Variants in DNM2 observed in about 807,000 individuals in gnomAD.
DNM2 encodes the protein dynamin-2.
Under a neutral mutation model 99.0 loss-of-function variants are expected in DNM2, and 15 were observed. That is an observed-to-expected ratio of 0.15 (90% CI 0.10 to 0.23). DNM2 has a LOEUF of 0.23. Among genes scored for constraint, DNM2 ranks in the 10% least tolerant of loss-of-function variants. The pLI is 1.00. For synonymous variants in DNM2, 525 were observed against 481.2 expected (o/e 1.09, Z -1.19); for missense variants, 742 against 1,189.4 (o/e 0.62, Z 5.53).
In DNM2 at chr19:10,817,816, T is replaced by TGC. The variant is rs58592246; in HGVS notation, c.1672-2153_1672-2152dup. The stretch of plus-strand genomic sequence containing the variant: ...GCACACACACGTGTGTGTGTGTGTG[T>TGC]GCGCGCGCGCGCACGCGTGCGTGCC... On this transcript the variant is annotated intron_variant, in intron 15 of 20. Transcript: ENST00000389253. The surrounding 1 kb of genome is among the most constrained non-coding windows in gnomAD (Gnocchi z 4.6). Among the ~76,000 whole-genome samples, 167 of 138,038 alleles carry TGC rather than the reference T, an allele frequency of 1.2e-3. No individual in the cohort carries two copies. Among genetic ancestry groups the TGC allele is most frequent in the African/African-American group, 3.7e-3 (137 of 36,918 alleles). 90.6% of individuals were successfully genotyped at this position (138,038 alleles called of 152,430 possible).
chr19:10,747,079 T>C (rs896596096), intron 1 of DNM2, among the ~76,000 whole-genome samples: 20 of 151,468 alleles, frequency 1.3e-4, no homozygotes, highest in African/African-American at 4.9e-5. Context: ...GGTCTCATCA[T>C]GTTGCCCAGG....
intron 16 of DNM2, among the ~76,000 whole-genome samples, chr19:10,821,540 C>CTT (rs3837949): frequency 0.063 from 9,503 of 151,088 alleles, 635 homozygotes; most frequent in East Asian, 0.36. Flanking sequence ...GAAATCCTGA[C>CTT]TTTTTTTTTA....
At position 10,812,228 on chromosome 19, in the gene DNM2, G is replaced by A; in HGVS notation, c.1558-36G>A. On this transcript the variant is annotated intron_variant, in intron 14 of 20. Transcript: ENST00000389253. The surrounding 1 kb of genome is among the most constrained non-coding windows in gnomAD (Gnocchi z 4.0). Reference sequence around the variant, plus strand: ...CGCTGGGGGATGGCTGGGGCACGGAGCGAGGTTCCCTGCTAAGCTGCGCGC... The same window carrying A: ...CGCTGGGGGATGGCTGGGGCACGGAACGAGGTTCCCTGCTAAGCTGCGCGC... 6.5e-7 allele frequency: 1 copy of A among 1,539,076 alleles called. No individual in the cohort carries two copies. The highest frequency in any genetic ancestry group is 1.4e-5 in the African/African-American group (1 of 73,052).
Position 10,818,302 on chromosome 19 carries a change from T to C in DNM2, c.1672-1678T>C, listed in dbSNP as rs1339817301. 6.6e-6 allele frequency among the ~76,000 whole-genome samples: 1 copy of C among 152,318 alleles called. No homozygotes were observed. The highest frequency in any genetic ancestry group is 2.1e-4 in the South Asian group (1 of 4,824). On this transcript the variant is annotated intron_variant, in intron 15 of 20. Transcript: ENST00000389253. The surrounding 1 kb of genome is among the most constrained non-coding windows in gnomAD (Gnocchi z 4.3). The stretch of plus-strand genomic sequence containing the variant: ...CCACCGGGCCCCTCTTCCTATGCTC[T>C]GCCCTACTTCTTTGCCTAGAGCCTG...
Position 10,738,942 on chromosome 19 carries a change from G to T in DNM2, c.161+20539G>T, listed in dbSNP as rs367689278. ...CCAGCACTTTGGGAGGCCGAGGTGGGCGGATCACGAGGTCAGGAGATTGAG... is the reference window on the plus strand; with the variant it reads ...CCAGCACTTTGGGAGGCCGAGGTGGTCGGATCACGAGGTCAGGAGATTGAG... On this transcript the variant is annotated intron_variant, in intron 1 of 20. Transcript: ENST00000389253. Among the ~76,000 whole-genome samples, 20 of 151,938 alleles carry T rather than the reference G, an allele frequency of 1.3e-4. 1 individual carries two copies. The East Asian group carries it at 3.1e-3, about 24-fold the overall frequency.
Position 10,830,923 on chromosome 19 carries a change from G to A in DNM2, c.2544-55G>A. On this transcript the variant is annotated intron_variant, in intron 20 of 20. Transcript: ENST00000389253. The surrounding 1 kb of genome is among the most constrained non-coding windows in gnomAD (Gnocchi z 4.8). ...GGTCCTCAACCCAGGCCTGCCTCTT[G>A]CTCCCGGCCTCACTGCCGTCTCCCC... 6.4e-7 allele frequency: 1 copy of A among 1,567,588 alleles called. No individual in the cohort carries two copies. Among genetic ancestry groups the A allele is most frequent in the African/African-American group, 1.4e-5 (1 of 73,586 alleles).
intron 1 of DNM2, among the ~76,000 whole-genome samples, chr19:10,748,985 G>T (rs1201974478): frequency 6.6e-6 from 1 of 152,234 alleles, no homozygotes; most frequent in African/African-American, 2.4e-5. Flanking sequence ...GCTGGCTGTG[G>T]TGTCACGTGA....
chr19:10,808,851 C>G lies in DNM2; in HGVS notation c.1557+271C>G, dbSNP rs950082922. ...CAGGTTTTCCTGGTTTCCTGTAGGT[C>G]AGGGATGGCAAATACTTACACACCG... On this transcript the variant is annotated intron_variant, in intron 14 of 20. Coordinates refer to ENST00000389253, the MANE Select transcript of DNM2 (RefSeq NM_001005361.3). The G allele has an allele frequency of 3.3e-5, 15 of 450,044 alleles. 1 individual carries two copies. The highest frequency in any genetic ancestry group is 6.0e-5 in the Non-Finnish European group (15 of 250,426). The allele number at this position is 450,044 out of a possible 1,614,324, so 27.9% of individuals were successfully genotyped here. A position where few individuals can be genotyped will look rare whatever the true frequency, so the allele number is the denominator to read the frequency against.
At chr19:10,770,517 A>G (rs1403068883) in intron 2 of DNM2, among the ~76,000 whole-genome samples, 1 of 152,146 alleles carries the variant, frequency 6.6e-6, no homozygotes, top group African/African-American at 2.4e-5. Context: ...GGCTCAAATG[A>G]TCCTCCCACT....
chr19:10,807,539 CTTTTTTTTTTTTTTT>C (rs763788862), intron 13 of DNM2, among the ~76,000 whole-genome samples: 1 of 91,212 alleles, frequency 1.1e-5, no homozygotes, highest in African/African-American at 4.6e-5. Context: ...CACGTCCAGC[CTTTTTTTTTTTTTTT>C]TTTTTTTTTT....
intron 5 of DNM2, among the ~76,000 whole-genome samples, chr19:10,777,850 C>T (rs572404388): frequency 6.6e-6 from 1 of 152,064 alleles, no homozygotes; most frequent in African/African-American, 2.4e-5. Context: ...TTGCCTTGGC[C>T]TCCCAAAGTG....
At chr19:10,827,197 T>C (rs1033769307) in intron 18 of DNM2, among the ~76,000 whole-genome samples, 1 of 152,212 alleles carries the variant, frequency 6.6e-6, no homozygotes, top group Non-Finnish European at 1.5e-5. Context: ...TTTCCTCATA[T>C]ACCGATAGGA....
intron 2 of DNM2, among the ~76,000 whole-genome samples, chr19:10,771,218 C>T (rs1342719162): frequency 6.6e-6 from 1 of 152,182 alleles, no homozygotes; most frequent in African/African-American, 2.4e-5. Flanking sequence ...ACAGTGGACA[C>T]CTGTGTACTC....
At chr19:10,807,662 C>T (rs1214382738) in intron 13 of DNM2, among the ~76,000 whole-genome samples, 1 of 147,958 alleles carries the variant, frequency 6.8e-6, no homozygotes, top group Non-Finnish European at 1.5e-5. Flanking sequence ...GATTCTCCTG[C>T]CTCAGCCTTC....
intron 11 of DNM2, among the ~76,000 whole-genome samples, chr19:10,799,541 T>TG (rs967586166): frequency 2.3e-4 from 35 of 150,476 alleles, no homozygotes; most frequent in African/African-American, 8.3e-4. Flanking sequence ...TTTGTTTTTT[T>TG]TTTTTTTTTT....
chr19:10,771,172 T>G (rs954468055), intron 2 of DNM2, among the ~76,000 whole-genome samples: 1 of 152,172 alleles, frequency 6.6e-6, no homozygotes, highest in African/African-American at 2.4e-5. Flanking sequence ...CATTTTACTC[T>G]GAAAATTCGA....
In DNM2 at chr19:10,765,133, T is replaced by C. The variant is rs2070757699; in HGVS notation, c.235+5322T>C. Among the ~76,000 whole-genome samples, 1 of 152,046 alleles carries C rather than the reference T, an allele frequency of 6.6e-6. No homozygotes were observed. Among genetic ancestry groups the C allele is most frequent in the South Asian group, 2.1e-4 (1 of 4,816 alleles). ...CCACCTCGCCCGGCTAATTTTTTTG[T>C]ATGCTTAGTAGAGACGGGGTTTCAC... is the stretch of plus-strand genomic sequence containing the variant. On this transcript the variant is annotated intron_variant, in intron 2 of 20. Transcript: ENST00000389253. This position sits in a 1 kb window ranked among gnomAD's most constrained non-coding sequence, Gnocchi z 4.4.
rs544222420 is a variant in DNM2, at chr19:10,811,338, G to A, written c.1558-926G>A. On this transcript the variant is annotated intron_variant, in intron 14 of 20. Transcript: ENST00000389253. This position sits in a 1 kb window ranked among gnomAD's most constrained non-coding sequence, Gnocchi z 5.4. ...CCGGATGAAGCCCCTCCAGAGGACCGCCCCCGACTAGGACAGCATCTGGGC... is the reference window on the plus strand; with the variant it reads ...CCGGATGAAGCCCCTCCAGAGGACCACCCCCGACTAGGACAGCATCTGGGC... 4 of 214,646 alleles carry A rather than the reference G, an allele frequency of 1.9e-5. No homozygotes were observed. The highest frequency in any genetic ancestry group is 1.1e-4 in the South Asian group (2 of 17,528). The allele number at this position is 214,646 out of a possible 1,614,324, so 13.3% of individuals were successfully genotyped here. A position where few individuals can be genotyped will look rare whatever the true frequency, so the allele number is the denominator to read the frequency against.
rs1281575607 is a variant in DNM2 at position 10,816,857 on chromosome 19, G to C, written c.1672-3123G>C. ...TCTTCCTTCACGTGAGGGGCCCTTC[G>C]TGTTTTTCTCATCTGAGAGTTGAAA... On this transcript the variant is annotated intron_variant, in intron 15 of 20. Transcript: ENST00000389253. This position sits in a 1 kb window ranked among gnomAD's most constrained non-coding sequence, Gnocchi z 4.6. Among the ~76,000 whole-genome samples the C allele has an allele frequency of 6.6e-6, 1 of 152,186 alleles. No homozygotes were observed. The highest frequency in any genetic ancestry group is 2.1e-4 in the South Asian group (1 of 4,834).
Sources: gnomAD v4.1 joint callset for allele counts (sites outside exome capture counted in the v4.1 genomes callset) on GRCh38, gnomAD v4.1.1 for gene constraint, Gnocchi (gnomAD v3.1) non-coding constraint, MANE v1.5 for transcripts, NCBI Gene and HGNC (gene_info 2026-07-23, HGNC 2026-07-21) for gene names.